Variants in SH3RF2 observed in about 807,000 individuals in gnomAD.
The protein encoded by SH3RF2 is SH3 domain containing ring finger 2.
Under a neutral mutation model 59.0 loss-of-function variants are expected in SH3RF2, and 43 were observed. The observed-to-expected ratio is 0.73, with a 90% CI of 0.57 to 0.94. SH3RF2 has a LOEUF of 0.94. Ranked by LOEUF, SH3RF2 falls within the 40% of genes least tolerant of loss-of-function variation. SH3RF2 has a pLI of 0.00. For synonymous variants in SH3RF2, 391 were observed against 391.5 expected, an observed-to-expected ratio of 1.00 and a Z score of 0.01; for missense variants, 930 against 940.1, an observed-to-expected ratio of 0.99 and a Z score of 0.14.
chr5:146,011,004 T>C (rs893437850), intron 4 of SH3RF2, among the ~76,000 whole-genome samples: 14 of 152,316 alleles, frequency 9.2e-5, no homozygotes, highest in Admixed American at 2.6e-4. Context: ...AGGGTTTTTA[T>C]GGTTTTAGGT....
chr5:146,025,764 T>C (rs1761509408), intron 5 of SH3RF2, among the ~76,000 whole-genome samples: 1 of 152,240 alleles, frequency 6.6e-6, no homozygotes, highest in Non-Finnish European at 1.5e-5. Flanking sequence ...CAGAGGAAGG[T>C]AGCTTAGTAC....
chr5:146,080,414 CTA>C (rs1763404124), exon 10 of SH3RF2: 3 of 151,936 alleles, frequency 2.0e-5, no homozygotes, highest in East Asian at 3.9e-4. Flanking sequence ...AAGAGAATCT[CTA>C]TGAGTTAATA....
chr5:145,975,356 C>G (rs1759248879), intron 2 of SH3RF2, among the ~76,000 whole-genome samples: 1 of 152,234 alleles, frequency 6.6e-6, no homozygotes, highest in South Asian at 2.1e-4. Context: ...TGGCACATCC[C>G]TGACTCCTGT....
chr5:145,945,727 C>T (rs79500869), intron 2 of SH3RF2, among the ~76,000 whole-genome samples: 2,102 of 152,182 alleles, frequency 0.014, 25 homozygotes, highest in Non-Finnish European at 0.024. Flanking sequence ...GCCTTCCTAT[C>T]AGGGTGACTA....
At chr5:146,073,111 G>A (rs1202351736) in intron 9 of SH3RF2, among the ~76,000 whole-genome samples, 1 of 152,244 alleles carries the variant, frequency 6.6e-6, no homozygotes, top group Admixed American at 6.5e-5. Context: ...GGCCAGCTCT[G>A]AAGGACAAGA....
intron 2 of SH3RF2, among the ~76,000 whole-genome samples, chr5:145,974,457 A>G (rs73792774): frequency 0.085 from 12,932 of 152,152 alleles, 1,871 homozygotes; most frequent in African/African-American, 0.29. Context: ...TGGATAGGAA[A>G]GGAAGGAAAA....
chr5:145,955,195 T>C (rs1052243731), intron 2 of SH3RF2, among the ~76,000 whole-genome samples: 1 of 152,162 alleles, frequency 6.6e-6, no homozygotes, highest in Non-Finnish European at 1.5e-5. Context: ...CCTGATCTGA[T>C]TTTCAGTTCA....
chr5:146,027,558 A>T (rs1159768012), intron 5 of SH3RF2, among the ~76,000 whole-genome samples: 2 of 152,256 alleles, frequency 1.3e-5, no homozygotes, highest in East Asian at 3.8e-4. Flanking sequence ...ACAAAAACTA[A>T]ACAAATTATT....
chr5:146,060,116 G>A lies in SH3RF2; in HGVS notation c.1806G>A (p.Met602Ile). 6.2e-7 allele frequency: 1 copy of A among 1,614,058 alleles called. No homozygotes were observed. Among genetic ancestry groups the A allele is most frequent in the South Asian group, 1.1e-5 (1 of 91,066 alleles). ...WIHSAASSLI[M>I]EDKEIPIKSE... ...ACTCCGCGGCCAGCTCCCTCATTAT[G>A]GAAGACAAAGAAATCCCCATCAAGA... The change falls in exon 9 of 10, where the codon ATG (methionine) becomes ATA (isoleucine). Residue 602 changes from methionine (M) to isoleucine (I), a missense_variant. By Grantham distance (10) the Met-to-Ile change is conservative. Transcript: ENST00000359120.
chr5:145,984,407 A>T (rs1759622689), intron 2 of SH3RF2, among the ~76,000 whole-genome samples: 1 of 152,226 alleles, frequency 6.6e-6, no homozygotes, highest in Non-Finnish European at 1.5e-5. Flanking sequence ...CTGAAGATAA[A>T]GATACAAAAG....
At chr5:146,005,352 G>A (rs1007334290) in intron 4 of SH3RF2, among the ~76,000 whole-genome samples, 6 of 152,186 alleles carry the variant, frequency 3.9e-5, no homozygotes, top group African/African-American at 1.4e-4. Flanking sequence ...CATTAAAAAT[G>A]AGTAGTAGAA....
chr5:145,942,224 T>A (rs912861924), intron 2 of SH3RF2, among the ~76,000 whole-genome samples: 1 of 152,224 alleles, frequency 6.6e-6, no homozygotes, highest in African/African-American at 2.4e-5. Flanking sequence ...CTCCGCATCA[T>A]CAATTCTTTA....
chr5:146,045,179 C>G (rs1194836385), intron 5 of SH3RF2, among the ~76,000 whole-genome samples: 3 of 152,192 alleles, frequency 2.0e-5, no homozygotes, highest in Non-Finnish European at 4.4e-5. Context: ...CAAGGAGCAG[C>G]CTAGCCCAAA....
At chr5:146,046,994 C>T (rs929415817) in intron 5 of SH3RF2, among the ~76,000 whole-genome samples, 2 of 152,082 alleles carry the variant, frequency 1.3e-5, no homozygotes, top group South Asian at 2.1e-4. Flanking sequence ...CTGGTTCAAG[C>T]GATTCTCCCA....
At chr5:146,070,815 A>G (rs1272410865) in intron 9 of SH3RF2, among the ~76,000 whole-genome samples, 1 of 152,238 alleles carries the variant, frequency 6.6e-6, no homozygotes, top group Non-Finnish European at 1.5e-5. Flanking sequence ...CTAATTAGGC[A>G]AATGGGGTCA....
In SH3RF2 at chr5:146,047,777, C is replaced by T; in HGVS notation, c.1065C>T (p.Ser355=). 1 of 1,614,086 alleles carries T rather than the reference C, an allele frequency of 6.2e-7. No individual in the cohort carries two copies. Among genetic ancestry groups the T allele is most frequent in the Non-Finnish European group, 8.5e-7 (1 of 1,179,992 alleles). ...TGTCTTTTCTGTCTGTGCAGGTCAG[C>T]ACTTATCACCCCGCACCTGTCTCTC... ...DVPSSCVGQV[S]TYHPAPVSPG... Residue 355 remains serine (S), a synonymous_variant, in exon 6 of 10, where the codon AGC becomes AGT. Transcript: ENST00000359120.
intron 5 of SH3RF2, among the ~76,000 whole-genome samples, chr5:146,014,904 G>T (rs1029823717): frequency 1.3e-5 from 2 of 152,168 alleles, no homozygotes; most frequent in African/African-American, 4.8e-5. Flanking sequence ...GGCTATTTAG[G>T]TTGAAGGGTA....
intron 9 of SH3RF2, among the ~76,000 whole-genome samples, chr5:146,071,273 C>T (rs1374501191): frequency 6.6e-6 from 1 of 152,242 alleles, no homozygotes; most frequent in Non-Finnish European, 1.5e-5. Flanking sequence ...ACCACCTTCT[C>T]TCCAATTCCA....
intron 5 of SH3RF2, among the ~76,000 whole-genome samples, chr5:146,014,607 G>C (rs1227560256): frequency 6.6e-6 from 1 of 152,192 alleles, no homozygotes; most frequent in Non-Finnish European, 1.5e-5. Context: ...GCTCAAAAAT[G>C]ATCAAGAATT....
Sources: gnomAD v4.1 joint callset for allele counts (sites outside exome capture counted in the v4.1 genomes callset) on GRCh38, gnomAD v4.1.1 for gene constraint, MANE v1.5 for transcripts, NCBI Gene and HGNC (gene_info 2026-07-23, HGNC 2026-07-21) for gene names.